ARHGEF10L: variants seen among roughly 807,000 people sequenced by gnomAD.
The protein encoded by ARHGEF10L is rho guanine nucleotide exchange factor 10-like protein.
In ARHGEF10L, 69 loss-of-function variants were observed where a neutral mutation model predicts 141.2. The observed-to-expected ratio is 0.49, with a 90% CI of 0.40 to 0.60. The LOEUF is 0.60. Ranked by LOEUF, ARHGEF10L falls within the 20% of genes least tolerant of loss-of-function variation. The probability of loss-of-function intolerance (pLI) is 0.00; values close to 1 mark genes in which losing one functional copy is unlikely to be tolerated. For synonymous variants in ARHGEF10L, 711 were observed against 718.5 expected (o/e 0.99, Z 0.17); for missense variants, 1,482 against 1,734.3 (o/e 0.85, Z 2.58).
At position 17,627,068 on chromosome 1, in the gene ARHGEF10L, T is replaced by C. The variant is rs1318532302; in HGVS notation, c.1411-262T>C. On this transcript the variant is annotated intron_variant, in intron 14 of 28. Transcript: ENST00000361221. This position sits in a 1 kb window ranked among gnomAD's most constrained non-coding sequence, Gnocchi z 4.0. Reference sequence around the variant, plus strand: ...ACTGTGGCTAATGCTGCTATGAACATGGCTGGACAAATATCTGTTTGAGAC... The same window carrying C: ...ACTGTGGCTAATGCTGCTATGAACACGGCTGGACAAATATCTGTTTGAGAC... Among the ~76,000 whole-genome samples the C allele has an allele frequency of 1.3e-5, 2 of 152,268 alleles. No homozygotes were observed. Among genetic ancestry groups the C allele is most frequent in the African/African-American group, 4.8e-5 (2 of 41,472 alleles).
intron 27 of ARHGEF10L, among the ~76,000 whole-genome samples, chr1:17,690,240 G>A (rs990026346): frequency 4.2e-4 from 64 of 152,320 alleles, no homozygotes; most frequent in African/African-American, 1.5e-3. Context: ...TGGCCATGCT[G>A]GGTGGGGTAC....
rs72648442 is a variant in ARHGEF10L at position 17,636,199 on chromosome 1, G to A, written c.1927+1183G>A. On this transcript the variant is annotated intron_variant, in intron 18 of 28. Coordinates refer to ENST00000361221, the MANE Select transcript of ARHGEF10L (RefSeq NM_018125.4). ...TCATGCACTCCAGGGACGCTTAGGG[G>A]ATCCCTCCTTCGGTGACAATGATGT... Among the ~76,000 whole-genome samples, 534 of 152,318 alleles carry A rather than the reference G, an allele frequency of 3.5e-3. 2 individuals are homozygous for A. Among genetic ancestry groups the A allele is most frequent in the Non-Finnish European group, 5.9e-3 (404 of 68,032 alleles).
intron 1 of ARHGEF10L, among the ~76,000 whole-genome samples, chr1:17,546,846 A>G (rs942596369): frequency 3.9e-5 from 6 of 152,200 alleles, no homozygotes; most frequent in African/African-American, 1.4e-4. Flanking sequence ...CTAATGGCTC[A>G]TAATTGCAGA....
chr1:17,619,564 T>C lies in ARHGEF10L; in HGVS notation c.942+119T>C. On this transcript the variant is annotated intron_variant, in intron 10 of 28. Coordinates refer to ENST00000361221, the MANE Select transcript of ARHGEF10L (RefSeq NM_018125.4). The surrounding 1 kb of genome is among the most constrained non-coding windows in gnomAD (Gnocchi z 5.0). The stretch of plus-strand genomic sequence containing the variant: ...CACAGGGGATATGATGACTGGGGGC[T>C]CTTGGCAGAGCCCAGCTGGATAGGG... 1.2e-6 allele frequency: 1 copy of C among 811,072 alleles called. No homozygotes were observed. Among genetic ancestry groups the C allele is most frequent in the Non-Finnish European group, 1.9e-6 (1 of 527,210 alleles). The allele number at this position is 811,072 out of a possible 1,614,324, so 50.2% of individuals were successfully genotyped here.
chr1:17,514,277 A>G, the ARHGEF10L span, among the ~76,000 whole-genome samples: 6 of 151,232 alleles, frequency 4.0e-5, no homozygotes, highest in African/African-American at 1.5e-4. Flanking sequence ...CTGAGATTAC[A>G]GGCGCCTGCC....
rs568688304 is a variant in ARHGEF10L at position 17,666,707 on chromosome 1, T to A, written c.3009+2112T>A. The stretch of plus-strand genomic sequence containing the variant: ...TCCCTTCCCAGCCCCTGGTTCATGC[T>A]GGGGGCTTCCCTGCTATCCCCCCAG... On this transcript the variant is annotated intron_variant, in intron 26 of 28. Coordinates refer to ENST00000361221, the MANE Select transcript of ARHGEF10L (RefSeq NM_018125.4). Among the ~76,000 whole-genome samples, 210 of 152,026 alleles carry A rather than the reference T, an allele frequency of 1.4e-3. 1 individual carries two copies. Among genetic ancestry groups the A allele is most frequent in the East Asian group, 7.2e-3 (37 of 5,152 alleles).
At chr1:17,601,413 C>T (rs1272685590) in intron 4 of ARHGEF10L, among the ~76,000 whole-genome samples, 1 of 152,192 alleles carries the variant, frequency 6.6e-6, no homozygotes, top group Admixed American at 6.5e-5. Flanking sequence ...AGCTCTACCT[C>T]CCACTTACAG....
At chr1:17,599,809 A>G (rs1288720109) in intron 4 of ARHGEF10L, among the ~76,000 whole-genome samples, 2 of 152,220 alleles carry the variant, frequency 1.3e-5, no homozygotes, top group Non-Finnish European at 2.9e-5. Flanking sequence ...CTAATAGGGC[A>G]GGTGACTTAG....
intron 21 of ARHGEF10L, among the ~76,000 whole-genome samples, chr1:17,642,515 G>T (rs553007778): frequency 2.0e-5 from 3 of 152,270 alleles, no homozygotes; most frequent in Admixed American, 1.3e-4. Context: ...CATTTAAGTG[G>T]GTCATTCTGG....
In ARHGEF10L at chr1:17,564,982, C is replaced by G. The variant is rs147084856; in HGVS notation, c.-43-15571C>G. ...AAGGCAGCACCCGGGCACTTCACTC[C>G]CACCCAAGGCCCCATTCGGGCAGCT... On this transcript the variant is annotated intron_variant, in intron 1 of 28. Coordinates refer to ENST00000361221, the MANE Select transcript of ARHGEF10L (RefSeq NM_018125.4). Among the ~76,000 whole-genome samples, 561 of 152,288 alleles carry G rather than the reference C, an allele frequency of 3.7e-3. 3 individuals are homozygous for G. Among genetic ancestry groups the G allele is most frequent in the African/African-American group, 0.013 (531 of 41,554 alleles).
Position 17,673,167 on chromosome 1 carries a change from G to A in ARHGEF10L, c.3009+8572G>A, listed in dbSNP as rs1028850192. On this transcript the variant is annotated intron_variant, in intron 26 of 28. Transcript: ENST00000361221. This position sits in a 1 kb window ranked among gnomAD's most constrained non-coding sequence, Gnocchi z 4.1. ...CAGGGAAGGCGGATGAACAGACATC[G>A]TGGAGAGGACATATGGGACGGGAGG... 4.6e-5 allele frequency among the ~76,000 whole-genome samples: 7 copies of A among 152,194 alleles called. No homozygotes were observed. Among genetic ancestry groups the A allele is most frequent in the African/African-American group, 9.7e-5 (4 of 41,432 alleles).
At chr1:17,696,287 T>C (rs565273891) in intron 28 of ARHGEF10L, among the ~76,000 whole-genome samples, 1 of 152,152 alleles carries the variant, frequency 6.6e-6, no homozygotes, top group East Asian at 1.9e-4. Context: ...GGGCATTTTG[T>C]CCATCCAGGG....
At chr1:17,641,248 C>T (rs1014818557) in intron 21 of ARHGEF10L, among the ~76,000 whole-genome samples, 5 of 152,190 alleles carry the variant, frequency 3.3e-5, no homozygotes, top group Admixed American at 1.3e-4. Flanking sequence ...TCCCATTTGC[C>T]GATGCCAGCC....
chr1:17,616,643 G>A (rs2059823966), intron 9 of ARHGEF10L, among the ~76,000 whole-genome samples: 1 of 152,266 alleles, frequency 6.6e-6, no homozygotes, highest in African/African-American at 2.4e-5. Context: ...TGTATCAGCA[G>A]TGCCTCTGGG....
the ARHGEF10L span, among the ~76,000 whole-genome samples, chr1:17,514,365 A>T: frequency 1.3e-5 from 2 of 152,060 alleles, no homozygotes; most frequent in South Asian, 4.2e-4. Context: ...TGAACTCCTG[A>T]TCTCAAGTGA....
chr1:17,608,461 T>C (rs2081375871), intron 7 of ARHGEF10L, among the ~76,000 whole-genome samples: 1 of 152,214 alleles, frequency 6.6e-6, no homozygotes, highest in Non-Finnish European at 1.5e-5. Context: ...GGGGCTGCTG[T>C]GGCTAAGCCA....
At chr1:17,666,382 G>A (rs2062977185) in intron 26 of ARHGEF10L, among the ~76,000 whole-genome samples, 1 of 152,068 alleles carries the variant, frequency 6.6e-6, no homozygotes, top group African/African-American at 2.4e-5. Context: ...TTAGACAGAA[G>A]GGAGAGGCAG....
intron 7 of ARHGEF10L, among the ~76,000 whole-genome samples, chr1:17,609,420 A>T (rs186810047): frequency 2.0e-5 from 3 of 152,166 alleles, no homozygotes; most frequent in Middle Eastern, 3.2e-3. Context: ...AGCATTTACA[A>T]CACCTACTGT....
At chr1:17,521,134 C>G in the ARHGEF10L span, among the ~76,000 whole-genome samples, 487 of 152,338 alleles carry the variant, frequency 3.2e-3, 4 homozygotes, top group African/African-American at 0.011. Flanking sequence ...GAACCTCTGA[C>G]AGGTGGCTGT....
Sources: gnomAD v4.1 joint callset for allele counts (sites outside exome capture counted in the v4.1 genomes callset) on GRCh38, gnomAD v4.1.1 for gene constraint, Gnocchi (gnomAD v3.1) non-coding constraint, MANE v1.5 for transcripts, NCBI Gene and HGNC (gene_info 2026-07-23, HGNC 2026-07-21) for gene names.